MTO1: variants seen among roughly 807,000 people sequenced by gnomAD.
MTO1 encodes 5-taurinomethyluridine-[tRNA] synthase subunit MTO1, mitochondrial.
MTO1 carries 46 observed loss-of-function variants against 71.6 expected under a neutral mutation model. The observed-to-expected ratio is 0.64, with a 90% CI of 0.51 to 0.82. MTO1 has a LOEUF of 0.82. MTO1 is among the 40% of genes least tolerant of loss of function. The probability of loss-of-function intolerance (pLI) is 0.00; values close to 1 mark genes in which losing one functional copy is unlikely to be tolerated. For synonymous variants in MTO1, 297 were observed against 312.1 expected, an observed-to-expected ratio of 0.95 and a Z score of 0.51; for missense variants, 773 against 867.5, an observed-to-expected ratio of 0.89 and a Z score of 1.37.
At chr6:73,483,002 C>T (rs145588802) in intron 9 of MTO1, among the ~76,000 whole-genome samples, 2,466 of 151,976 alleles carry the variant, frequency 0.016, 60 homozygotes, top group African/African-American at 0.05. Flanking sequence ...CTGTGTTAGC[C>T]AGGATGGTCT....
intron 4 of MTO1, among the ~76,000 whole-genome samples, chr6:73,478,250 A>G (rs1395034415): frequency 6.6e-6 from 1 of 151,686 alleles, no homozygotes; most frequent in Non-Finnish European, 1.5e-5. Context: ...GTCTCAAAAA[A>G]AAAAAAAAAA....
intron 9 of MTO1, among the ~76,000 whole-genome samples, chr6:73,486,351 A>T (rs979567851): frequency 5.9e-5 from 9 of 152,120 alleles, no homozygotes; most frequent in African/African-American, 2.2e-4. Flanking sequence ...AAACTCAAAC[A>T]CTATACCCAT....
intron 7 of MTO1, chr6:73,481,043 C>A: frequency 2.1e-6 from 1 of 474,978 alleles, no homozygotes; most frequent in Admixed American, 3.2e-5. Context: ...GATATGATCT[C>A]CCAGCTTCAA....
At chr6:73,496,525 G>A (rs559907803) in intron 10 of MTO1, among the ~76,000 whole-genome samples, 19 of 145,530 alleles carry the variant, frequency 1.3e-4, no homozygotes, top group Admixed American at 9.8e-4. Flanking sequence ...GGGTACATGT[G>A]CACAATGTGC....
At chr6:73,492,952 A>AAT (rs1160464402) in intron 10 of MTO1, among the ~76,000 whole-genome samples, 5 of 143,112 alleles carry the variant, frequency 3.5e-5, no homozygotes, top group Admixed American at 1.4e-4. Flanking sequence ...CCTATAAATA[A>AAT]ATATATATAT....
Position 73,481,654 on chromosome 6 carries a change from G to A in MTO1, c.1261-386G>A, listed in dbSNP as rs1439547206. The stretch of plus-strand genomic sequence containing the variant: ...GTGACGGCATGTGCCTATAGTCCCA[G>A]CTACTTGGGGGGATGAGGTGGGAGG... On this transcript the variant is annotated intron_variant, in intron 7 of 11. Coordinates refer to ENST00000498286, the MANE Select transcript of MTO1 (RefSeq NM_012123.4). Among the ~76,000 whole-genome samples the A allele has an allele frequency of 2.6e-5, 4 of 152,006 alleles. No individual in the cohort carries two copies. In the East Asian group the frequency reaches 7.7e-4, roughly 29 times the overall value.
chr6:73,462,359 C>A (rs1161945917), intron 1 of MTO1: 3 of 499,118 alleles, frequency 6.0e-6, no homozygotes, highest in East Asian at 3.3e-5. Context: ...CAACTACTCG[C>A]TGGTAGCTTC....
chr6:73,471,127 A>G (rs1036110834), intron 3 of MTO1, among the ~76,000 whole-genome samples: 1 of 151,198 alleles, frequency 6.6e-6, no homozygotes, highest in Admixed American at 6.6e-5. Flanking sequence ...AAATCGTAGC[A>G]TATTATACAC....
chr6:73,462,168 A>G (rs756485733), intron 1 of MTO1, 97 bp downstream of exon 1: 6 of 1,308,250 alleles, frequency 4.6e-6, no homozygotes, highest in Admixed American at 3.9e-5. Flanking sequence ...CCTTTCCTCA[A>G]AGCTAGTGAG....
intron 1 of MTO1, 159 bp downstream of exon 1, chr6:73,462,230 C>G (rs561641095): frequency 2.6e-6 from 2 of 758,908 alleles, no homozygotes; most frequent in Non-Finnish European, 4.2e-6. Flanking sequence ...AAGGATCAGG[C>G]GGGCCAGGCC....
At chr6:73,473,894 C>A (rs1231620711) in intron 4 of MTO1, among the ~76,000 whole-genome samples, 1 of 151,256 alleles carries the variant, frequency 6.6e-6, no homozygotes, top group African/African-American at 2.4e-5. Flanking sequence ...TCAAGTGATC[C>A]TCCCACCTCA....
chr6:73,470,912 T>G (rs2150030043), intron 3 of MTO1, among the ~76,000 whole-genome samples: 1 of 152,130 alleles, frequency 6.6e-6, no homozygotes, highest in Admixed American at 6.6e-5. Flanking sequence ...GAGATCTTGC[T>G]ACTGCACTCC....
At chr6:73,496,909 C>T (rs535208873) in intron 10 of MTO1, among the ~76,000 whole-genome samples, 2 of 151,548 alleles carry the variant, frequency 1.3e-5, no homozygotes, top group South Asian at 2.1e-4. Context: ...AAAGATTAGC[C>T]GGGCGTGGTG....
rs566125918 is a variant in MTO1 at position 73,487,151 on chromosome 6, G to A, written c.1637+4531G>A. Among the ~76,000 whole-genome samples, 126 of 150,678 alleles carry A rather than the reference G, an allele frequency of 8.4e-4. 1 individual carries two copies. Among genetic ancestry groups the A allele is most frequent in the East Asian group, 1.4e-3 (7 of 5,142 alleles). ...AAATGTTAATGTACATGTTAGTGCT[G>A]CTATGAACATGGGTATACAAAGATA... On this transcript the variant is annotated intron_variant, in intron 9 of 11. Coordinates refer to ENST00000498286, the MANE Select transcript of MTO1 (RefSeq NM_012123.4).
At position 73,486,341 on chromosome 6, in the gene MTO1, A is replaced by G. The variant is rs543036002; in HGVS notation, c.1637+3721A>G. Among the ~76,000 whole-genome samples, 223 of 152,240 alleles carry G rather than the reference A, an allele frequency of 1.5e-3. 5 individuals carry two copies. The South Asian group carries it at 0.045, about 31-fold the overall frequency. ...ATCTCCAGGACTTTTTCATCTTGCA[A>G]AACTCAAACACTATACCCATTAGAC... is the stretch of plus-strand genomic sequence containing the variant. On this transcript the variant is annotated intron_variant, in intron 9 of 11. Coordinates refer to ENST00000498286, the MANE Select transcript of MTO1 (RefSeq NM_012123.4).
chr6:73,493,495 A>G (rs1436308248), intron 10 of MTO1, among the ~76,000 whole-genome samples: 1 of 151,356 alleles, frequency 6.6e-6, no homozygotes, highest in Non-Finnish European at 1.5e-5. Context: ...GGTTCATGCA[A>G]TTCTCCTGCC....
Position 73,502,586 on chromosome 6 carries a change from A to G in MTO1, c.*1851A>G, listed in dbSNP as rs1336427625. ...ATGGAGTGCCTTTTGAATAGAATAT[A>G]ACAAAAATTTATCTTAAAGAAACGG... is the stretch of plus-strand genomic sequence containing the variant. On this transcript the variant is annotated 3_prime_UTR_variant, in exon 12 of 12. Coordinates refer to ENST00000498286, the MANE Select transcript of MTO1 (RefSeq NM_012123.4). 6.6e-6 allele frequency: 1 copy of G among 151,280 alleles called. No individual in the cohort carries two copies. Among genetic ancestry groups the G allele is most frequent in the Admixed American group, 6.6e-5 (1 of 15,250 alleles). 9.4% of individuals were successfully genotyped at this position (151,280 alleles called of 1,614,324 possible).
rs932477078 is a variant in MTO1 at position 73,499,216 on chromosome 6, C to A, written c.1917+1320C>A. 2.0e-5 allele frequency among the ~76,000 whole-genome samples: 3 copies of A among 152,072 alleles called. No individual in the cohort carries two copies. In the East Asian group the frequency reaches 5.8e-4, roughly 29 times the overall value. On this transcript the variant is annotated intron_variant, in intron 11 of 11. Coordinates refer to ENST00000498286, the MANE Select transcript of MTO1 (RefSeq NM_012123.4). ...AGATGGTATTCTTAGCAACAGTCAT[C>A]ATGGAAACCAGGAAAATAAGCCTTA...
At chr6:73,467,247 G>A (rs1771025185) in intron 3 of MTO1, among the ~76,000 whole-genome samples, 1 of 152,098 alleles carries the variant, frequency 6.6e-6, no homozygotes, top group Non-Finnish European at 1.5e-5. Flanking sequence ...CCAGGAGGTT[G>A]AGACTTCAGT....
Sources: allele counts gnomAD v4.1 joint callset (sites outside exome capture counted in the v4.1 genomes callset), GRCh38; gene constraint gnomAD v4.1.1; transcripts MANE v1.5; gene names NCBI Gene and HGNC (gene_info 2026-07-23, HGNC 2026-07-21).